CNTNAP2: variants seen among roughly 807,000 people sequenced by gnomAD.
CNTNAP2 encodes contactin-associated protein-like 2.
CNTNAP2 carries 98 observed loss-of-function variants against 155.2 expected under a neutral mutation model. That is an observed-to-expected ratio of 0.63 (90% confidence interval 0.54 to 0.75). The LOEUF (loss-of-function observed/expected upper bound fraction) is 0.75. CNTNAP2 is among the 30% of genes least tolerant of loss of function. The pLI is 0.00. For synonymous variants in CNTNAP2, 651 were observed against 631.2 expected (o/e 1.03, Z -0.47); for missense variants, 1,727 against 1,688.1 (o/e 1.02, Z -0.40).
At chr7:146,492,267 G>T (rs1797152699) in intron 1 of CNTNAP2, among the ~76,000 whole-genome samples, 1 of 151,938 alleles carries the variant, frequency 6.6e-6, no homozygotes, top group South Asian at 2.1e-4. Context: ...GACAGAGAGA[G>T]AGAGAAAGCA....
intron 2 of CNTNAP2, among the ~76,000 whole-genome samples, chr7:146,783,362 C>G (rs949808001): frequency 6.6e-6 from 1 of 152,120 alleles, no homozygotes; most frequent in African/African-American, 2.4e-5. Context: ...ATTTCATATC[C>G]ACCTCCCCAA....
At chr7:147,713,916 T>C (rs1290529311) in intron 13 of CNTNAP2, among the ~76,000 whole-genome samples, 2 of 152,146 alleles carry the variant, frequency 1.3e-5, no homozygotes, top group African/African-American at 2.4e-5. Context: ...TATTTCATAG[T>C]ACTAGCAAAG....
intron 1 of CNTNAP2, among the ~76,000 whole-genome samples, chr7:146,516,299 T>G (rs561363063): frequency 6.6e-6 from 1 of 152,106 alleles, no homozygotes; most frequent in African/African-American, 2.4e-5. Context: ...AAAGAGAAAT[T>G]TATCTATGTT....
chr7:147,396,685 T>A (rs1411160784), intron 10 of CNTNAP2, among the ~76,000 whole-genome samples: 1 of 152,054 alleles, frequency 6.6e-6, no homozygotes, highest in Non-Finnish European at 1.5e-5. Context: ...TGAACAAGTT[T>A]CATTTTGAGA....
chr7:146,172,360 C>T (rs1178158106), intron 1 of CNTNAP2, among the ~76,000 whole-genome samples: 1 of 151,860 alleles, frequency 6.6e-6, no homozygotes, highest in Non-Finnish European at 1.5e-5. Context: ...TGTACATGAC[C>T]ACCCCCAAAG....
At chr7:147,836,679 GGCACAGGACATTTT>G (rs1274694387) in intron 13 of CNTNAP2, among the ~76,000 whole-genome samples, 2 of 152,178 alleles carry the variant, frequency 1.3e-5, no homozygotes, top group Non-Finnish European at 2.9e-5. Context: ...TCTGACGGCA[GGCACAGGACATTTT>G]GCTCATCATG....
chr7:147,979,948 TA>T (rs903155717), intron 15 of CNTNAP2, among the ~76,000 whole-genome samples: 1 of 151,896 alleles, frequency 6.6e-6, no homozygotes, highest in African/African-American at 2.4e-5. Flanking sequence ...TTACCATTCT[TA>T]AAAAAAAGAT....
At chr7:147,370,515 C>A (rs1796323896) in intron 9 of CNTNAP2, among the ~76,000 whole-genome samples, 1 of 152,096 alleles carries the variant, frequency 6.6e-6, no homozygotes, top group Non-Finnish European at 1.5e-5. Flanking sequence ...TGAAATTAAC[C>A]ATGATGGGAG....
At chr7:146,275,210 T>G (rs755997353) in intron 1 of CNTNAP2, among the ~76,000 whole-genome samples, 7 of 152,222 alleles carry the variant, frequency 4.6e-5, no homozygotes, top group Non-Finnish European at 8.8e-5. Flanking sequence ...TTTTGTCATG[T>G]TCATATTCAT....
At chr7:148,075,219 C>G (rs1043193578) in intron 15 of CNTNAP2, among the ~76,000 whole-genome samples, 9 of 152,056 alleles carry the variant, frequency 5.9e-5, no homozygotes, top group Non-Finnish European at 2.9e-5. Flanking sequence ...GGTGGATCAC[C>G]TGACGTTAGG....
At chr7:147,772,787 A>T (rs1421941985) in intron 13 of CNTNAP2, among the ~76,000 whole-genome samples, 1 of 151,842 alleles carries the variant, frequency 6.6e-6, no homozygotes, top group Non-Finnish European at 1.5e-5. Flanking sequence ...GCCTTTAGAG[A>T]CATCTCCCAC....
chr7:147,385,490 T>C (rs895918619), intron 9 of CNTNAP2, among the ~76,000 whole-genome samples: 3 of 152,186 alleles, frequency 2.0e-5, no homozygotes, highest in Admixed American at 2.0e-4. Flanking sequence ...ACTAGAGCTG[T>C]TCCAAATAAG....
intron 1 of CNTNAP2, among the ~76,000 whole-genome samples, chr7:146,289,003 C>T (rs557448289): frequency 1.3e-3 from 199 of 151,884 alleles, no homozygotes; most frequent in Non-Finnish European, 1.9e-3. Context: ...GGGGTTTTAT[C>T]ATGTTGGCCA....
At chr7:146,497,104 C>T (rs935543046) in intron 1 of CNTNAP2, among the ~76,000 whole-genome samples, 7 of 152,144 alleles carry the variant, frequency 4.6e-5, no homozygotes, top group African/African-American at 7.2e-5. Context: ...GAGTGAACAA[C>T]GTGTCAGTCT....
At chr7:147,985,426 TGCGAATC>T (rs1801602240) in intron 15 of CNTNAP2, among the ~76,000 whole-genome samples, 1 of 147,168 alleles carries the variant, frequency 6.8e-6, no homozygotes, top group African/African-American at 2.6e-5. Flanking sequence ...TTTTTTTTTT[TGCGAATC>T]TTCAGAGGGC....
chr7:148,395,579 T>C (rs1799449869), intron 22 of CNTNAP2, among the ~76,000 whole-genome samples: 2 of 152,196 alleles, frequency 1.3e-5, no homozygotes, highest in Non-Finnish European at 2.9e-5. Flanking sequence ...GGGGGTGCGC[T>C]CTGTCAAGGC....
chr7:146,406,304 C>T (rs764497508), intron 1 of CNTNAP2, among the ~76,000 whole-genome samples: 4 of 152,112 alleles, frequency 2.6e-5, no homozygotes, highest in Non-Finnish European at 5.9e-5. Context: ...TATTTTTTAA[C>T]AAAATGTTGT....
intron 5 of CNTNAP2, among the ~76,000 whole-genome samples, chr7:147,119,192 T>C (rs1188093919): frequency 6.6e-6 from 1 of 152,212 alleles, no homozygotes; most frequent in Admixed American, 6.5e-5. Flanking sequence ...GTTTATTTTT[T>C]CAAACTTTTC....
chr7:148,020,607 T>C (rs866719368), intron 15 of CNTNAP2, among the ~76,000 whole-genome samples: 1 of 152,228 alleles, frequency 6.6e-6, no homozygotes, highest in Admixed American at 6.5e-5. Context: ...ACTAAGTGAA[T>C]AAAGAAGGAG....
Sources: gnomAD v4.1 joint callset for allele counts (sites outside exome capture counted in the v4.1 genomes callset) on GRCh38, gnomAD v4.1.1 for gene constraint, MANE v1.5 for transcripts, NCBI Gene and HGNC (gene_info 2026-07-23, HGNC 2026-07-21) for gene names.